Variants in SEL1L observed in about 807,000 individuals in gnomAD.
The protein encoded by SEL1L is protein sel-1 homolog 1.
A neutral mutation model predicts 109.8 loss-of-function variants in SEL1L; 52 were observed. That is an observed-to-expected ratio of 0.47 (90% CI 0.38 to 0.60). The LOEUF (loss-of-function observed/expected upper bound fraction) is 0.60, where lower values mean the gene tolerates loss of function less well. Ranked by LOEUF, SEL1L falls within the 20% of genes least tolerant of loss-of-function variation. The pLI, the probability that SEL1L is intolerant of heterozygous loss-of-function variation, is 0.00. For synonymous variants in SEL1L, 373 were observed against 339.6 expected, an observed-to-expected ratio of 1.10 and a Z score of -1.08; for missense variants, 749 against 962.2, an observed-to-expected ratio of 0.78 and a Z score of 2.93.
intron 3 of SEL1L, among the ~76,000 whole-genome samples, chr14:81,516,644 C>T (rs373887295): frequency 8.4e-4 from 128 of 152,264 alleles, no homozygotes; most frequent in African/African-American, 3.0e-3. Flanking sequence ...GTGGTTTACA[C>T]GCAATACTAC....
chr14:81,504,809 G>A (rs993531910), intron 4 of SEL1L, among the ~76,000 whole-genome samples: 2 of 151,914 alleles, frequency 1.3e-5, no homozygotes, highest in Non-Finnish European at 2.9e-5. Context: ...AAGTTCTCAC[G>A]AGATCTGGTC....
At chr14:81,498,333 AG>A in intron 9 of SEL1L, 79 bp downstream of exon 9, 9 of 1,201,140 alleles carry the variant, frequency 7.5e-6, no homozygotes, top group Non-Finnish European at 1.1e-5. Context: ...TACTTCAAAT[AG>A]AACAATAAAA....
chr14:81,489,407 T>C (rs1883457694), intron 13 of SEL1L, 93 bp from the exon 14 acceptor site: 5 of 1,043,022 alleles, frequency 4.8e-6, no homozygotes, highest in South Asian at 4.0e-5. Context: ...TTTATAAGCA[T>C]ATTCAAAAAC....
chr14:81,499,690 C>A, intron 6 of SEL1L, 28 bp from the exon 7 acceptor site: 1 of 1,588,302 alleles, frequency 6.3e-7, no homozygotes, highest in African/African-American at 1.4e-5. Flanking sequence ...AGTAAGAAAT[C>A]TTGCTTTGGT....
chr14:81,500,184 T>C (rs924883033), intron 6 of SEL1L, among the ~76,000 whole-genome samples: 13 of 152,096 alleles, frequency 8.5e-5, no homozygotes, highest in Admixed American at 7.9e-4. Context: ...CTGCTGAGAT[T>C]ACAGGGGTAA....
chr14:81,517,846 T>C (rs933592238), intron 3 of SEL1L, among the ~76,000 whole-genome samples: 1 of 152,190 alleles, frequency 6.6e-6, no homozygotes, highest in Non-Finnish European at 1.5e-5. Context: ...GACTGGAATT[T>C]GAACTCTTTT....
intron 19 of SEL1L, among the ~76,000 whole-genome samples, chr14:81,480,188 A>T (rs1903304273): frequency 6.6e-6 from 1 of 151,904 alleles, no homozygotes; most frequent in Non-Finnish European, 1.5e-5. Context: ...ACGGTGGCTC[A>T]TTCTTTTTTA....
intron 19 of SEL1L, among the ~76,000 whole-genome samples, chr14:81,483,361 G>GTAA (rs1305717886): frequency 3.4e-4 from 51 of 152,188 alleles, no homozygotes; most frequent in African/African-American, 1.2e-3. Flanking sequence ...ACTGTGACTA[G>GTAA]TAATATCTCA....
rs1376942703 is a variant in SEL1L, at chr14:81,517,617, GC to G, written c.340+9115del. Among the ~76,000 whole-genome samples, 5 of 152,198 alleles carry G rather than the reference GC, an allele frequency of 3.3e-5. No homozygotes were observed. The South Asian group carries it at 6.2e-4, about 19-fold the overall frequency. On this transcript the variant is annotated intron_variant, in intron 3 of 20. Transcript: ENST00000336735. The stretch of plus-strand genomic sequence containing the variant: ...CAAACACTGAATTTACTGCTAGGAG[GC>G]TGAGTAAACTGCAGTAGGGAGAAAA...
intron 20 of SEL1L, among the ~76,000 whole-genome samples, chr14:81,479,090 G>A (rs1903260984): frequency 1.3e-5 from 2 of 152,006 alleles, no homozygotes; most frequent in African/African-American, 4.8e-5. Context: ...GAAGAAAATG[G>A]GTAACCCACT....
rs1284883692 is a variant in SEL1L, at chr14:81,486,364, C to T, written c.1723G>A (p.Val575Met). 2 of 1,614,170 alleles carry T rather than the reference C, an allele frequency of 1.2e-6. No homozygotes were observed. Among genetic ancestry groups the T allele is most frequent in the East Asian group, 4.5e-5 (2 of 44,884 alleles). Reference protein sequence around the residue: ...SYKDGDYNAAVIQYLLLAEQG... With the variant: ...SYKDGDYNAAMIQYLLLAEQG... ...TCAGCCAGGAGGAGGTACTGGATCA[C>T]TGCAGCATTGTAATCGCCATCTTTA... Residue 575 changes from valine (V) to methionine (M), a missense_variant, in exon 17 of 21, where the codon GTG becomes ATG. Physicochemically the swap from Val to Met is conservative, Grantham distance 21. Around this residue, in one of 2 missense-constraint regions of SEL1L, gnomAD observed 383 missense variants for 562.5 expected, o/e 0.68. Transcript: ENST00000336735.
chr14:81,478,542 AAGAG>A (rs1346018830), intron 20 of SEL1L, among the ~76,000 whole-genome samples: 1 of 152,230 alleles, frequency 6.6e-6, no homozygotes, highest in African/African-American at 2.4e-5. Context: ...ATGGTACTGA[AAGAG>A]AAAGAGGAGG....
At chr14:81,527,069 T>C (rs1885141911) in intron 2 of SEL1L, 105 bp from the exon 3 acceptor site, 2 of 791,528 alleles carry the variant, frequency 2.5e-6, no homozygotes, top group East Asian at 2.7e-5. Flanking sequence ...CTTCAGCTCC[T>C]TGAAGTGCCA....
intron 3 of SEL1L, among the ~76,000 whole-genome samples, chr14:81,524,865 C>A (rs1257132506): frequency 6.6e-6 from 1 of 151,834 alleles, no homozygotes; most frequent in Non-Finnish European, 1.5e-5. Context: ...CAGTGCAAGA[C>A]TCTGTCTCAA....
At chr14:81,519,852 C>T (rs1375698047) in intron 3 of SEL1L, among the ~76,000 whole-genome samples, 1 of 152,104 alleles carries the variant, frequency 6.6e-6, no homozygotes, top group Admixed American at 6.5e-5. Flanking sequence ...TACAAAGGCC[C>T]AGGGGCATAA....
At position 81,484,051 on chromosome 14, in the gene SEL1L, G is replaced by A. The variant is rs182030588; in HGVS notation, c.2046+174C>T. The stretch of plus-strand genomic sequence containing the variant: ...ACAGCGTGGATAGCAGTATCTGTGC[G>A]TGCTGGAAGATGAGAGATGGAAGGG... On this transcript the variant is annotated intron_variant, in intron 19 of 20. Coordinates refer to ENST00000336735, the MANE Select transcript of SEL1L (RefSeq NM_005065.6). Among the ~76,000 whole-genome samples, 553 of 152,314 alleles carry A rather than the reference G, an allele frequency of 3.6e-3. 2 individuals are homozygous for A. The highest frequency in any genetic ancestry group is 6.4e-3 in the Non-Finnish European group (434 of 68,028).
intron 3 of SEL1L, among the ~76,000 whole-genome samples, chr14:81,510,074 T>G (rs544727291): frequency 6.6e-6 from 1 of 152,300 alleles, no homozygotes; most frequent in East Asian, 1.9e-4. Context: ...AAGCTCATGT[T>G]TCAAGATCAG....
Position 81,486,368 on chromosome 14 carries a change from A to G in SEL1L, c.1719T>C (p.Ala573=), listed in dbSNP as rs1903520437. ...CCAGGAGGAGGTACTGGATCACTGCAGCATTGTAATCGCCATCTTTATAGC... is the reference window on the plus strand; with the variant it reads ...CCAGGAGGAGGTACTGGATCACTGCGGCATTGTAATCGCCATCTTTATAGC... The part of the protein sequence containing the change: ...YNSYKDGDYN[A]AVIQYLLLAE... The change falls in exon 17 of 21, where the codon GCT becomes GCC. Residue 573 remains alanine (A), a synonymous_variant. Transcript: ENST00000336735. The G allele has an allele frequency of 6.2e-7, 1 of 1,614,190 alleles. No individual in the cohort carries two copies. The highest frequency in any genetic ancestry group is 8.5e-7 in the Non-Finnish European group (1 of 1,180,032).
intron 6 of SEL1L, among the ~76,000 whole-genome samples, chr14:81,500,123 C>T (rs1222475034): frequency 1.3e-5 from 2 of 151,708 alleles, no homozygotes; most frequent in African/African-American, 4.8e-5. Flanking sequence ...GTCAGCCAGG[C>T]TGGTCTTGAA....
Sources: allele counts gnomAD v4.1 joint callset (sites outside exome capture counted in the v4.1 genomes callset), GRCh38; gene constraint gnomAD v4.1.1; regional missense constraint gnomAD v4.1.1; transcripts MANE v1.5; gene names NCBI Gene and HGNC (gene_info 2026-07-23, HGNC 2026-07-21).